The following PDZRN3 variants were observed in gnomAD, a reference collection of about 807,000 sequenced individuals.
The protein encoded by PDZRN3 is PDZ domain containing ring finger 3.
In PDZRN3, 38 loss-of-function variants were observed where a neutral mutation model predicts 85.7. The ratio of observed to expected loss-of-function variants is 0.44; its 90% CI spans 0.34 to 0.58. The LOEUF is 0.58. Among genes scored for constraint, PDZRN3 ranks in the 20% least tolerant of loss-of-function variants. The pLI, the probability that PDZRN3 is intolerant of heterozygous loss-of-function variation, is 0.01. For synonymous variants in PDZRN3, 759 were observed against 638.0 expected, an observed-to-expected ratio of 1.19 and a Z score of -2.86; for missense variants, 1,629 against 1,506.4, an observed-to-expected ratio of 1.08 and a Z score of -1.35.
chr3:73,388,130 CA>C, intron 7 of PDZRN3, 61 bp from the exon 8 acceptor site: 1 of 782,034 alleles, frequency 1.3e-6, no homozygotes, highest in Non-Finnish European at 2.1e-6. Flanking sequence ...TTAGATGGTG[CA>C]AAATCATTCT....
At chr3:73,592,838 C>T (rs1432404505) in intron 3 of PDZRN3, among the ~76,000 whole-genome samples, 2 of 152,222 alleles carry the variant, frequency 1.3e-5, no homozygotes, top group African/African-American at 2.4e-5. Context: ...TTTGCAATTA[C>T]CATTGACAAT....
Position 73,600,070 on chromosome 3 carries a change from G to A in PDZRN3, c.918+2284C>T, listed in dbSNP as rs1271369523. On this transcript the variant is annotated intron_variant, in intron 3 of 9. Transcript: ENST00000263666. ...TCTTATAAAAAAACAGGGAGGAGCT[G>A]GGCTGGCACCGATGTGGGTAAGAGC... Among the ~76,000 whole-genome samples the A allele has an allele frequency of 3.3e-5, 5 of 151,622 alleles. No individual in the cohort carries two copies. The South Asian group carries it at 1.0e-3, about 31-fold the overall frequency.
At chr3:73,532,237 G>A (rs1357247960) in intron 3 of PDZRN3, among the ~76,000 whole-genome samples, 3 of 151,956 alleles carry the variant, frequency 2.0e-5, no homozygotes, top group South Asian at 2.1e-4. Flanking sequence ...TCCTGACCTC[G>A]TGATCCACCC....
At position 73,404,363 on chromosome 3, in the gene PDZRN3, A is replaced by G; in HGVS notation, c.951T>C (p.His317=). ...VNGRDLSRAT[H]DQAVEAFKTA... ...TCTTGAAAGCTTCCACAGCCTGGTC[A>G]TGAGTTGCTCTGGATAAGTCTCTGC... The change falls in exon 4 of 10, where the codon CAT becomes CAC. Residue 317 remains histidine (H), a synonymous_variant. Coordinates refer to ENST00000263666, the MANE Select transcript of PDZRN3 (RefSeq NM_015009.3). The G allele has an allele frequency of 6.2e-7, 1 of 1,614,174 alleles. No homozygotes were observed. The highest frequency in any genetic ancestry group is 1.1e-5 in the South Asian group (1 of 91,076).
At chr3:73,487,516 A>T (rs1301032539) in intron 3 of PDZRN3, among the ~76,000 whole-genome samples, 1 of 152,136 alleles carries the variant, frequency 6.6e-6, no homozygotes, top group Admixed American at 6.5e-5. Flanking sequence ...CAAGATGAAG[A>T]TGTCACAATT....
intron 3 of PDZRN3, among the ~76,000 whole-genome samples, chr3:73,511,389 C>T (rs1704161396): frequency 6.6e-6 from 1 of 151,698 alleles, no homozygotes; most frequent in African/African-American, 2.4e-5. Flanking sequence ...CTACTCCAGC[C>T]CTGGGTGTCG....
At chr3:73,572,525 T>C (rs1351581185) in intron 3 of PDZRN3, among the ~76,000 whole-genome samples, 1 of 152,214 alleles carries the variant, frequency 6.6e-6, no homozygotes, top group Non-Finnish European at 1.5e-5. Context: ...AACCAGGCTA[T>C]CTGGGGATCT....
At chr3:73,521,145 T>C (rs549918627) in intron 3 of PDZRN3, among the ~76,000 whole-genome samples, 49 of 152,280 alleles carry the variant, frequency 3.2e-4, no homozygotes, top group Admixed American at 1.2e-3. Flanking sequence ...GCTGCCAATG[T>C]ATGTTTTCCC....
intron 3 of PDZRN3, among the ~76,000 whole-genome samples, chr3:73,414,239 A>G (rs1447555530): frequency 1.3e-5 from 2 of 152,208 alleles, no homozygotes; most frequent in Non-Finnish European, 2.9e-5. Flanking sequence ...TTAATGTCCT[A>G]TACTTTATTT....
chr3:73,543,715 G>A (rs1701342337), intron 3 of PDZRN3, among the ~76,000 whole-genome samples: 1 of 152,168 alleles, frequency 6.6e-6, no homozygotes, highest in South Asian at 2.1e-4. Flanking sequence ...GCGCTGTAGA[G>A]AGTTAGCTCA....
intron 3 of PDZRN3, among the ~76,000 whole-genome samples, chr3:73,517,131 T>G (rs1390525209): frequency 6.6e-6 from 1 of 152,108 alleles, no homozygotes; most frequent in East Asian, 1.9e-4. Flanking sequence ...CTATCACAGG[T>G]GGCCACATGT....
chr3:73,406,691 T>C (rs1701860919), intron 3 of PDZRN3, among the ~76,000 whole-genome samples: 1 of 152,192 alleles, frequency 6.6e-6, no homozygotes, highest in African/African-American at 2.4e-5. Context: ...TTGTTCTTCT[T>C]CTATTTAACA....
At chr3:73,567,026 A>T (rs979792441) in intron 3 of PDZRN3, among the ~76,000 whole-genome samples, 3 of 152,220 alleles carry the variant, frequency 2.0e-5, no homozygotes, top group African/African-American at 7.2e-5. Flanking sequence ...AATCTCTATT[A>T]CTTGTAGCCC....
chr3:73,494,618 G>A (rs1703833102), intron 3 of PDZRN3, among the ~76,000 whole-genome samples: 1 of 152,172 alleles, frequency 6.6e-6, no homozygotes, highest in Non-Finnish European at 1.5e-5. Flanking sequence ...TATATAAATT[G>A]TTTTTATTGA....
chr3:73,387,034 G>A (rs926182633), intron 8 of PDZRN3, among the ~76,000 whole-genome samples: 5 of 152,184 alleles, frequency 3.3e-5, no homozygotes, highest in Non-Finnish European at 5.9e-5. Flanking sequence ...TAAGTCTCAT[G>A]AGATCTGATA....
intron 3 of PDZRN3, among the ~76,000 whole-genome samples, chr3:73,437,992 T>C (rs574261312): frequency 6.6e-6 from 1 of 152,310 alleles, no homozygotes; most frequent in South Asian, 2.1e-4. Context: ...AAAAAACTAC[T>C]GGCCACACAA....
chr3:73,588,514 A>G (rs968862499), intron 3 of PDZRN3, among the ~76,000 whole-genome samples: 10 of 152,164 alleles, frequency 6.6e-5, no homozygotes, highest in Non-Finnish European at 1.3e-4. Context: ...GCAGAATGGG[A>G]CCAGCACCCT....
intron 3 of PDZRN3, among the ~76,000 whole-genome samples, chr3:73,427,577 C>G (rs533766272): frequency 6.8e-4 from 103 of 152,272 alleles, no homozygotes; most frequent in Non-Finnish European, 1.4e-3. Flanking sequence ...GACAGGAACA[C>G]AGAGAGAGGG....
chr3:73,431,290 T>C (rs982725219), intron 3 of PDZRN3, among the ~76,000 whole-genome samples: 12 of 152,334 alleles, frequency 7.9e-5, no homozygotes, highest in Admixed American at 4.6e-4. Context: ...GGCAAAGCCA[T>C]TGTTCTGCAT....
Sources: gnomAD v4.1 joint callset for allele counts (sites outside exome capture counted in the v4.1 genomes callset) on GRCh38, gnomAD v4.1.1 for gene constraint, MANE v1.5 for transcripts, NCBI Gene and HGNC (gene_info 2026-07-23, HGNC 2026-07-21) for gene names.